The following ARHGAP40 variants were observed in gnomAD, a reference collection of about 807,000 sequenced individuals.
ARHGAP40 encodes the protein Rho GTPase activating protein 40, also known as rho GTPase-activating protein 40.
Under a neutral mutation model 73.5 loss-of-function variants are expected in ARHGAP40, and 43 were observed. That is an observed-to-expected ratio of 0.58 (90% CI 0.46 to 0.75). The LOEUF is 0.75. Among genes scored for constraint, ARHGAP40 ranks in the 30% least tolerant of loss-of-function variants. The probability of loss-of-function intolerance (pLI) is 0.00; values close to 1 mark genes in which losing one functional copy is unlikely to be tolerated. For synonymous variants in ARHGAP40, 300 were observed against 352.8 expected (o/e 0.85, Z 1.68); for missense variants, 734 against 861.8 (o/e 0.85, Z 1.86).
At chr20:38,605,150 T>A (rs2088763814) in intron 1 of ARHGAP40, among the ~76,000 whole-genome samples, 1 of 152,182 alleles carries the variant, frequency 6.6e-6, no homozygotes, top group African/African-American at 2.4e-5. Context: ...AGCCCGGATC[T>A]GTTCTGTTTA....
chr20:38,603,592 C>G (rs6015454), intron 1 of ARHGAP40, among the ~76,000 whole-genome samples: 2 of 148,010 alleles, frequency 1.4e-5, no homozygotes, highest in Admixed American at 1.3e-4. Context: ...TCATCTCTCT[C>G]TCTGTCTCTC....
chr20:38,609,811 A>G (rs2145593611), intron 1 of ARHGAP40, among the ~76,000 whole-genome samples: 1 of 152,346 alleles, frequency 6.6e-6, no homozygotes, highest in African/African-American at 2.4e-5. Flanking sequence ...TGGAGCAGAG[A>G]GTGGGGCAGA....
intron 3 of ARHGAP40, among the ~76,000 whole-genome samples, chr20:38,627,621 G>GCGTA (rs1555791934): frequency 3.6e-5 from 5 of 139,132 alleles, no homozygotes; most frequent in African/African-American, 1.4e-4. Flanking sequence ...GTGTGTTGGT[G>GCGTA]TGTGTGTGTT....
intron 9 of ARHGAP40, among the ~76,000 whole-genome samples, 154 bp downstream of exon 9, chr20:38,639,540 C>T (rs115860890): frequency 0.014 from 2,078 of 152,348 alleles, 51 homozygotes; most frequent in African/African-American, 0.048. Flanking sequence ...CAAGTGTGAA[C>T]ATGTGAGCCC....
intron 5 of ARHGAP40, among the ~76,000 whole-genome samples, chr20:38,630,056 T>C (rs113131939): frequency 1.6e-4 from 24 of 147,284 alleles, no homozygotes; most frequent in African/African-American, 6.1e-4. Context: ...TCCTCCTCCT[T>C]CTTTTTTCTT....
chr20:38,627,544 T>C (rs2088908119), intron 3 of ARHGAP40, among the ~76,000 whole-genome samples: 1 of 87,850 alleles, frequency 1.1e-5, no homozygotes, highest in Admixed American at 1.1e-4. Flanking sequence ...TGTGTGTGTG[T>C]TGGTGTGTGT....
At chr20:38,612,113 A>G (rs1167472892) in intron 1 of ARHGAP40, among the ~76,000 whole-genome samples, 1 of 152,178 alleles carries the variant, frequency 6.6e-6, no homozygotes, top group African/African-American at 2.4e-5. Flanking sequence ...TATGTCCAGA[A>G]TATTTTCACA....
At chr20:38,638,663 A>C in intron 7 of ARHGAP40, 98 bp from the exon 8 acceptor site, 1 of 854,716 alleles carries the variant, frequency 1.2e-6, no homozygotes, top group Non-Finnish European at 1.7e-6. Context: ...TTCTCCTGGT[A>C]CTCCCCTCTT....
chr20:38,624,318 A>G (rs2088888414), intron 2 of ARHGAP40, among the ~76,000 whole-genome samples: 1 of 152,116 alleles, frequency 6.6e-6, no homozygotes, highest in Non-Finnish European at 1.5e-5. Context: ...CACAAGACCA[A>G]GAGAGAGAGC....
chr20:38,637,638 A>G, intron 6 of ARHGAP40, 70 bp from the exon 7 acceptor site: 1 of 1,191,982 alleles, frequency 8.4e-7, no homozygotes, highest in Non-Finnish European at 1.1e-6. Flanking sequence ...TGCCCAGGAG[A>G]TCCTGTAGGT....
chr20:38,617,366 T>C (rs1291468580), intron 1 of ARHGAP40, among the ~76,000 whole-genome samples: 3 of 152,164 alleles, frequency 2.0e-5, no homozygotes, highest in African/African-American at 7.2e-5. Flanking sequence ...TCCACTGTCA[T>C]ATTATTCTCA....
chr20:38,609,709 AGG>A (rs1179750040), intron 1 of ARHGAP40, among the ~76,000 whole-genome samples: 2 of 152,224 alleles, frequency 1.3e-5, no homozygotes, highest in Admixed American at 1.3e-4. Context: ...GGGAAGGAGA[AGG>A]GTGTTCCTGG....
intron 11 of ARHGAP40, 128 bp downstream of exon 11, chr20:38,644,038 C>A: frequency 1.2e-6 from 1 of 801,120 alleles, no homozygotes; most frequent in Non-Finnish European, 1.7e-6. Flanking sequence ...TTGGCCTCTG[C>A]ACAGGCCTGT....
intron 3 of ARHGAP40, 31 bp downstream of exon 3, chr20:38,627,246 G>A (rs1056133215): frequency 3.4e-5 from 44 of 1,296,496 alleles, no homozygotes; most frequent in Non-Finnish European, 3.8e-5. Context: ...TGCAGGCCCC[G>A]TCTGACTGGG....
At position 38,646,193 on chromosome 20, in the gene ARHGAP40, T is replaced by TC; in HGVS notation, c.1710+6_1710+7insC. The TC allele has an allele frequency of 7.7e-7, 1 of 1,298,220 alleles. No homozygotes were observed. Among genetic ancestry groups the TC allele is most frequent in the South Asian group, 1.2e-5 (1 of 80,658 alleles). 80.4% of individuals were successfully genotyped at this position (1,298,220 alleles called of 1,614,324 possible). The stretch of plus-strand genomic sequence containing the variant: ...CGGGGGACGGCCTCGAGGCGGTGAG[T>TC]GCCCCCGACCCCAGACAGGTGGAGA... On this transcript the variant is annotated splice_region_variant and intron_variant, in intron 12 of 14. Coordinates refer to ENST00000373345, the Ensembl canonical transcript of ARHGAP40. This position sits in a 1 kb window ranked among gnomAD's most constrained non-coding sequence, Gnocchi z 4.5.
At chr20:38,617,591 A>T (rs2088849825) in intron 1 of ARHGAP40, among the ~76,000 whole-genome samples, 1 of 152,154 alleles carries the variant, frequency 6.6e-6, no homozygotes, top group South Asian at 2.1e-4. Context: ...CTAGGGGGAA[A>T]GTTCATGTGT....
chr20:38,628,888 C>T lies in ARHGAP40; in HGVS notation c.559-39C>T, dbSNP rs1005831952. The T allele has an allele frequency of 7.8e-6, 10 of 1,279,800 alleles. No individual in the cohort carries two copies. The African/African-American group carries it at 1.6e-4, about 20-fold the overall frequency. The allele number at this position is 1,279,800 out of a possible 1,614,324, so 79.3% of individuals were successfully genotyped here. Reference sequence around the variant, plus strand: ...AGGGTTGTGTGAGCATTGTCAGCTTCCCACATGAGTAATTGGGCACTGTCT... The same window carrying T: ...AGGGTTGTGTGAGCATTGTCAGCTTTCCACATGAGTAATTGGGCACTGTCT... On this transcript the variant is annotated intron_variant, in intron 3 of 14. Transcript: ENST00000373345.
Position 38,646,046 on chromosome 20 carries a change from G to A in ARHGAP40, c.1570-1G>A. 2 of 1,302,712 alleles carry A rather than the reference G, an allele frequency of 1.5e-6. No individual in the cohort carries two copies. Among genetic ancestry groups the A allele is most frequent in the Non-Finnish European group, 2.0e-6 (2 of 987,954 alleles). 80.7% of individuals were successfully genotyped at this position (1,302,712 alleles called of 1,614,324 possible). On this transcript the variant is annotated splice_acceptor_variant, in intron 11 of 14. Coordinates refer to ENST00000373345, the Ensembl canonical transcript of ARHGAP40. LOFTEE classifies it high-confidence loss of function. This position sits in a 1 kb window ranked among gnomAD's most constrained non-coding sequence, Gnocchi z 4.5. ...GCCAAAACTTGATCCTTTCTGGCCA[G>A]GTCGCCTCTTTCCTGGTCGCCCAGG...
intron 3 of ARHGAP40, among the ~76,000 whole-genome samples, chr20:38,627,446 T>G (rs1274238384): frequency 2.5e-5 from 2 of 80,868 alleles, no homozygotes; most frequent in Admixed American, 1.3e-4. Context: ...GTGTTGGGGG[T>G]GTGTGTGTTG....
Sources: allele counts gnomAD v4.1 joint callset (sites outside exome capture counted in the v4.1 genomes callset), GRCh38; gene constraint gnomAD v4.1.1; non-coding constraint Gnocchi (gnomAD v3.1); transcripts MANE v1.5; gene names NCBI Gene and HGNC (gene_info 2026-07-23, HGNC 2026-07-21).